Variants in CCDC7 observed in about 807,000 individuals in gnomAD.
The protein encoded by CCDC7 is coiled-coil domain containing 7.
CCDC7 carries 183 observed loss-of-function variants against 196.9 expected under a neutral mutation model. The observed-to-expected ratio is 0.93, with a 90% CI of 0.82 to 1.05. The LOEUF (loss-of-function observed/expected upper bound fraction) is 1.05. CCDC7 is among the 50% of genes least tolerant of loss of function. The pLI, the probability that CCDC7 is intolerant of heterozygous loss-of-function variation, is 0.00. For missense variants in CCDC7, 1,540 were observed against 1,482.2 expected (o/e 1.04, Z -0.64); for synonymous variants, 525 against 484.6 (o/e 1.08, Z -1.10).
At chr10:32,734,801 G>T (rs2084580824) in intron 28 of CCDC7, among the ~76,000 whole-genome samples, 1 of 152,082 alleles carries the variant, frequency 6.6e-6, no homozygotes, top group Non-Finnish European at 1.5e-5. Context: ...GGAGGGTGAG[G>T]CAGGAGAATT....
rs190269688 is a variant in CCDC7, at chr10:32,776,260, A to G, written c.2906-2717A>G. Among the ~76,000 whole-genome samples the G allele has an allele frequency of 5.3e-4, 79 of 150,024 alleles. No individual in the cohort carries two copies. The East Asian group carries it at 0.014, about 26-fold the overall frequency. ...ACTAACCTGCACAATGTGCACATGT[A>G]CCCTAAAACTTGAAGTATAATAAAA... is the stretch of plus-strand genomic sequence containing the variant. On this transcript the variant is annotated intron_variant, in intron 28 of 41. Coordinates refer to ENST00000639629, the Ensembl canonical transcript of CCDC7.
At chr10:32,459,646 A>ATT (rs60002951) in intron 3 of CCDC7, among the ~76,000 whole-genome samples, 21,588 of 67,962 alleles carry the variant, frequency 0.32, 5,712 homozygotes, top group Non-Finnish European at 0.4. Flanking sequence ...CCTGCTGCAC[A>ATT]TTTTTTTTTT....
At chr10:32,735,126 G>A (rs2132936386) in intron 28 of CCDC7, among the ~76,000 whole-genome samples, 1 of 152,138 alleles carries the variant, frequency 6.6e-6, no homozygotes, top group East Asian at 1.9e-4. Flanking sequence ...AGAGTCCAAC[G>A]ATTTCTTCAT....
Position 32,571,899 on chromosome 10 carries a change from A to G in CCDC7, c.1454+6A>G. On this transcript the variant is annotated splice_donor_region_variant and intron_variant, in intron 16 of 41. Coordinates refer to ENST00000639629, the Ensembl canonical transcript of CCDC7. ...GGAAGACTGATTGAAAAGAGGTAAA[A>G]CACTTTTTAAAAATTTGTTCCCTCA... is the stretch of plus-strand genomic sequence containing the variant. 1 of 1,566,974 alleles carries G rather than the reference A, an allele frequency of 6.4e-7. No homozygotes were observed. The highest frequency in any genetic ancestry group is 2.4e-5 in the East Asian group (1 of 41,876).
chr10:32,729,925 T>G (rs539318628), intron 28 of CCDC7, among the ~76,000 whole-genome samples: 1 of 152,308 alleles, frequency 6.6e-6, no homozygotes, highest in Non-Finnish European at 1.5e-5. Context: ...ATGTTTAACT[T>G]CTTTGTTTCT....
chr10:32,673,747 C>G (rs2074467357), intron 21 of CCDC7, among the ~76,000 whole-genome samples: 1 of 150,422 alleles, frequency 6.6e-6, no homozygotes, highest in Non-Finnish European at 1.5e-5. Flanking sequence ...AACCAGTAAC[C>G]AGAATCTCTG....
intron 21 of CCDC7, among the ~76,000 whole-genome samples, chr10:32,683,676 T>C (rs1194703054): frequency 6.6e-6 from 1 of 152,172 alleles, no homozygotes; most frequent in African/African-American, 2.4e-5. Context: ...TAATTCTCAC[T>C]GTAGAGATCT....
At chr10:32,631,092 A>G (rs117896380) in intron 18 of CCDC7, among the ~76,000 whole-genome samples, 6,037 of 152,302 alleles carry the variant, frequency 0.04, 126 homozygotes, top group Middle Eastern at 0.051. Flanking sequence ...TAGCTGAGGC[A>G]GACATGTGAG....
chr10:32,856,665 AG>A (rs1446741334), intron 41 of CCDC7, among the ~76,000 whole-genome samples: 2 of 152,132 alleles, frequency 1.3e-5, no homozygotes, highest in Non-Finnish European at 2.9e-5. Context: ...CCATTACTCC[AG>A]GGCTTAGAGT....
intron 32 of CCDC7, among the ~76,000 whole-genome samples, chr10:32,832,862 G>A (rs1593257399): frequency 1.3e-5 from 2 of 152,024 alleles, no homozygotes. Flanking sequence ...ATATGTAACT[G>A]TATTTTGGGG....
Position 32,845,621 on chromosome 10 carries a change from AC to A in CCDC7, c.3518del (p.Pro1173GlnfsTer16). On this transcript the variant is annotated frameshift_variant, in exon 35 of 42. Transcript: ENST00000639629. LOFTEE classifies it high-confidence loss of function. ...TCAACCACGACACAATTAAAAAGTC[AC>A]CCAGGTAAGAGAAAACAATTTCAAG... 6.2e-7 allele frequency: 1 copy of A among 1,610,260 alleles called. No homozygotes were observed. Among genetic ancestry groups the A allele is most frequent in the Non-Finnish European group, 8.5e-7 (1 of 1,177,122 alleles).
intron 15 of CCDC7, among the ~76,000 whole-genome samples, chr10:32,569,001 G>A (rs2057233311): frequency 1.3e-5 from 2 of 152,112 alleles, no homozygotes; most frequent in Admixed American, 6.6e-5. Flanking sequence ...CCAAAACAGA[G>A]GTTTTCATAT....
At chr10:32,647,311 A>T (rs368522843) in intron 20 of CCDC7, among the ~76,000 whole-genome samples, 1 of 152,280 alleles carries the variant, frequency 6.6e-6, no homozygotes, top group African/African-American at 2.4e-5. Flanking sequence ...GTTTGAGACC[A>T]GCCTGGCCAA....
intron 21 of CCDC7, among the ~76,000 whole-genome samples, chr10:32,683,127 A>T (rs545230234): frequency 6.6e-6 from 1 of 152,038 alleles, no homozygotes; most frequent in Non-Finnish European, 1.5e-5. Context: ...ATATTTTTGA[A>T]TTTTACATTT....
intron 18 of CCDC7, among the ~76,000 whole-genome samples, chr10:32,584,918 G>A (rs913072570): frequency 7.2e-5 from 11 of 151,996 alleles, no homozygotes; most frequent in African/African-American, 2.7e-4. Flanking sequence ...ATTAATCTGA[G>A]CATAGCAGGA....
At chr10:32,538,121 T>C (rs563165870) in intron 11 of CCDC7, among the ~76,000 whole-genome samples, 1 of 152,336 alleles carries the variant, frequency 6.6e-6, no homozygotes, top group African/African-American at 2.4e-5. Flanking sequence ...TCCCTATCCA[T>C]GAGCATGGAA....
At chr10:32,754,755 C>T (rs1307118355) in intron 28 of CCDC7, among the ~76,000 whole-genome samples, 2 of 152,112 alleles carry the variant, frequency 1.3e-5, no homozygotes, top group Non-Finnish European at 2.9e-5. Context: ...TAACGGGTTC[C>T]TCTCACTGGG....
chr10:32,493,000 T>C (rs2042375156), intron 9 of CCDC7, among the ~76,000 whole-genome samples: 1 of 152,134 alleles, frequency 6.6e-6, no homozygotes, highest in East Asian at 1.9e-4. Context: ...TGTGATGTTT[T>C]TATATGTACA....
chr10:32,624,755 T>C (rs1408831934), intron 18 of CCDC7, among the ~76,000 whole-genome samples: 1 of 152,132 alleles, frequency 6.6e-6, no homozygotes, highest in African/African-American at 2.4e-5. Context: ...GGTGTGTGTG[T>C]GTGTTGATGA....
Sources: gnomAD v4.1 joint callset for allele counts (sites outside exome capture counted in the v4.1 genomes callset) on GRCh38, gnomAD v4.1.1 for gene constraint, MANE v1.5 for transcripts, NCBI Gene and HGNC (gene_info 2026-07-23, HGNC 2026-07-21) for gene names.